TRRAP: variants seen among roughly 807,000 people sequenced by gnomAD.
TRRAP encodes the protein transformation/transcription domain associated protein, also known as transformation/transcription domain-associated protein.
Under a neutral mutation model 438.8 loss-of-function variants are expected in TRRAP, and 41 were observed. The ratio of observed to expected loss-of-function variants is 0.09; its 90% CI spans 0.07 to 0.12. TRRAP has a LOEUF of 0.12. TRRAP is among the 10% of genes least tolerant of loss of function. The pLI is 1.00. For missense variants in TRRAP, 3,122 were observed against 5,055.1 expected, an observed-to-expected ratio of 0.62 and a Z score of 11.60; for synonymous variants, 1,994 against 1,962.9, an observed-to-expected ratio of 1.02 and a Z score of -0.42.
intron 13 of TRRAP, 109 bp downstream of exon 13, chr7:98,906,364 C>T (rs1434293774): frequency 7.4e-6 from 5 of 678,422 alleles, no homozygotes; most frequent in East Asian, 3.1e-5. Flanking sequence ...AGCCTTGACA[C>T]ACCTGTTAGG....
At position 98,912,153 on chromosome 7, in the gene TRRAP, G is replaced by C; in HGVS notation, c.2139G>C (p.Leu713=). 6.2e-7 allele frequency: 1 copy of C among 1,614,186 alleles called. No individual in the cohort carries two copies. Among genetic ancestry groups the C allele is most frequent in the Non-Finnish European group, 8.5e-7 (1 of 1,180,040 alleles). The change falls in exon 18 of 73, where the codon CTG becomes CTC. Residue 713 remains leucine (L), a synonymous_variant. Coordinates refer to ENST00000456197, the MANE Select transcript of TRRAP (RefSeq NM_001375524.1). ...NVELSNLYLK[L]FKLVFGSVSL... Reference sequence around the variant, plus strand: ...AGCTCTCCAACCTGTACCTCAAGCTGTTCAAGCTGGTCTTTGGCTCTGTCT... The same window carrying C: ...AGCTCTCCAACCTGTACCTCAAGCTCTTCAAGCTGGTCTTTGGCTCTGTCT...
intron 51 of TRRAP, among the ~76,000 whole-genome samples, chr7:98,969,364 T>G (rs1792304040): frequency 6.6e-6 from 1 of 152,198 alleles, no homozygotes; most frequent in African/African-American, 2.4e-5. Context: ...TGCCTCACTC[T>G]TGCCACTCAG....
intron 47 of TRRAP, 130 bp downstream of exon 47, chr7:98,962,557 T>C (rs1044976261): frequency 2.0e-5 from 30 of 1,537,222 alleles, no homozygotes; most frequent in Non-Finnish European, 2.6e-5. Context: ...GTTGTTCAGG[T>C]GTCTGTTGCC....
chr7:98,906,194 G>T lies in TRRAP; in HGVS notation c.1054G>T (p.Asp352Tyr). The change falls in exon 13 of 73, where the codon GAC becomes TAC. Residue 352 changes from aspartate to tyrosine, a missense_variant. Asp to Tyr is a radical substitution (Grantham distance 160). Around this residue, in one of 24 missense-constraint regions of TRRAP, gnomAD observed 343 missense variants for 564.0 expected, o/e 0.61. Coordinates refer to ENST00000456197, the MANE Select transcript of TRRAP (RefSeq NM_001375524.1). ...TCTTCTAGAGTTCATTCCTTGCATG[G>T]ACAAGCTGTTTGATGAATCCATACT... is the stretch of plus-strand genomic sequence containing the variant. ...ELRNQFIPCM[D>Y]KLFDESILIG... 1 of 1,613,870 alleles carries T rather than the reference G, an allele frequency of 6.2e-7. No individual in the cohort carries two copies. Among genetic ancestry groups the T allele is most frequent in the Non-Finnish European group, 8.5e-7 (1 of 1,179,852 alleles).
At chr7:98,963,565 G>T (rs1219647545) in intron 47 of TRRAP, among the ~76,000 whole-genome samples, 1 of 152,166 alleles carries the variant, frequency 6.6e-6, no homozygotes, top group Non-Finnish European at 1.5e-5. Flanking sequence ...CTGGGGTGTA[G>T]TCTCAGCCGT....
At position 98,969,974 on chromosome 7, in the gene TRRAP, G is replaced by A. The variant is rs889179630; in HGVS notation, c.7513-138G>A. The A allele has an allele frequency of 8.1e-6, 8 of 987,194 alleles. No homozygotes were observed. The African/African-American group carries it at 8.1e-5, about 10-fold the overall frequency. The allele number at this position is 987,194 out of a possible 1,614,324, so 61.2% of individuals were successfully genotyped here. On this transcript the variant is annotated intron_variant, in intron 51 of 72. Coordinates refer to ENST00000456197, the MANE Select transcript of TRRAP (RefSeq NM_001375524.1). The stretch of plus-strand genomic sequence containing the variant: ...AGGAAGCCCGTCTGGTTGGGGACAG[G>A]TGGGAAAGGGTGCTGAGCTCATACT...
At chr7:98,938,617 C>G (rs1214425585) in intron 30 of TRRAP, among the ~76,000 whole-genome samples, 6 of 152,122 alleles carry the variant, frequency 3.9e-5, no homozygotes, top group Non-Finnish European at 8.8e-5. Context: ...CATGTCAGTA[C>G]CTGAAGTACT....
intron 4 of TRRAP, among the ~76,000 whole-genome samples, chr7:98,890,652 C>T (rs1554404688): frequency 6.6e-6 from 1 of 152,118 alleles, no homozygotes; most frequent in African/African-American, 2.4e-5. Context: ...AAATTATTCA[C>T]ATTTGCCAAC....
rs1402896258 is a variant in TRRAP, at chr7:98,918,882, C to T, written c.2622+1203C>T. Among the ~76,000 whole-genome samples the T allele has an allele frequency of 4.0e-5, 6 of 151,730 alleles. No individual in the cohort carries two copies. The East Asian group carries it at 1.2e-3, about 29-fold the overall frequency. ...ACCAGCCTGGCCAACATGGCGAAAC[C>T]CTGTCTCTACTAAAAATACAAAAAT... On this transcript the variant is annotated intron_variant, in intron 20 of 72. Transcript: ENST00000456197.
At chr7:98,966,172 G>T (rs1792144683) in intron 49 of TRRAP, among the ~76,000 whole-genome samples, 1 of 151,870 alleles carries the variant, frequency 6.6e-6, no homozygotes, top group Admixed American at 6.6e-5. Context: ...CAGGCATGGT[G>T]GCGGGCGCCT....
chr7:98,981,682 A>G (rs1370396575), intron 58 of TRRAP, 87 bp from the exon 59 acceptor site: 3 of 1,420,456 alleles, frequency 2.1e-6, no homozygotes, highest in Non-Finnish European at 2.8e-6. Context: ...CCTAGTGACC[A>G]AAAAAAGTGA....
chr7:98,997,514 T>TAAAAAAAAAAA (rs1793725709), intron 67 of TRRAP, among the ~76,000 whole-genome samples: 2 of 83,078 alleles, frequency 2.4e-5, no homozygotes, highest in Non-Finnish European at 2.3e-5. Flanking sequence ...AAAAAAAAAT[T>TAAAAAAAAAAA]AGAGTAGGAA....
intron 3 of TRRAP, 83 bp downstream of exon 3, chr7:98,882,107 C>T: frequency 8.7e-7 from 1 of 1,154,734 alleles, no homozygotes; most frequent in Non-Finnish European, 1.2e-6. Context: ...AGTCTTTTTA[C>T]TAGCAACTCA....
At chr7:99,010,830 C>T (rs1326270427) in intron 70 of TRRAP, among the ~76,000 whole-genome samples, 5 of 152,176 alleles carry the variant, frequency 3.3e-5, no homozygotes, top group African/African-American at 7.2e-5. Context: ...AGACCAGCCG[C>T]ATTGGTGCTT....
chr7:98,890,314 CT>C lies in TRRAP; in HGVS notation c.151-17del, dbSNP rs1554404618. The stretch of plus-strand genomic sequence containing the variant: ...ATACATACACATAACTGAATGGGGT[CT>C]TTTATTTTTGCACAATTAGAATGTC... On this transcript the variant is annotated intron_variant, in intron 3 of 72. Coordinates refer to ENST00000456197, the MANE Select transcript of TRRAP (RefSeq NM_001375524.1). The C allele has an allele frequency of 6.2e-6, 9 of 1,453,396 alleles. No homozygotes were observed. The highest frequency in any genetic ancestry group is 8.3e-6 in the Non-Finnish European group (9 of 1,080,278). 90.0% of individuals were successfully genotyped at this position (1,453,396 alleles called of 1,614,324 possible).
chr7:98,987,745 CTT>C (rs1793214821), intron 62 of TRRAP, among the ~76,000 whole-genome samples: 1 of 152,156 alleles, frequency 6.6e-6, no homozygotes, highest in African/African-American at 2.4e-5. Flanking sequence ...AGATCCTTGT[CTT>C]TTTCTTGATC....
rs756401798 is a variant in TRRAP, at chr7:98,990,440, C to A, written c.9592-15C>A. ...GAATTGTCATTCTACTCTAGAATTT[C>A]TCCTTCTGTCTCAGGTGCTGTGGCT... is the stretch of plus-strand genomic sequence containing the variant. On this transcript the variant is annotated splice_polypyrimidine_tract_variant and intron_variant, in intron 63 of 72. Coordinates refer to ENST00000456197, the MANE Select transcript of TRRAP (RefSeq NM_001375524.1). The A allele has an allele frequency of 2.5e-6, 4 of 1,609,414 alleles. No homozygotes were observed. The highest frequency in any genetic ancestry group is 1.7e-4 in the Middle Eastern group (1 of 5,982).
At position 98,949,467 on chromosome 7, in the gene TRRAP, C is replaced by T. The variant is rs782019074; in HGVS notation, c.4839C>T (p.Ala1613=). The T allele has an allele frequency of 6.2e-7, 1 of 1,607,388 alleles. No individual in the cohort carries two copies. Among genetic ancestry groups the T allele is most frequent in the Non-Finnish European group, 8.5e-7 (1 of 1,177,802 alleles). ...GACCTCTGCGGGATGTGCTGGCTGCCAACCCCAACAGGTTCATCACCCTGC... is the reference window on the plus strand; with the variant it reads ...GACCTCTGCGGGATGTGCTGGCTGCTAACCCCAACAGGTTCATCACCCTGC... ...DARPLRDVLA[A]NPNRFITLLL... The change falls in exon 36 of 73, where the codon GCC becomes GCT. Residue 1613 remains alanine (A), a synonymous_variant. Coordinates refer to ENST00000456197, the MANE Select transcript of TRRAP (RefSeq NM_001375524.1).
intron 67 of TRRAP, among the ~76,000 whole-genome samples, chr7:99,003,589 G>A (rs1193246613): frequency 1.3e-5 from 2 of 152,306 alleles, no homozygotes; most frequent in South Asian, 2.1e-4. Context: ...TGAGGTAGAC[G>A]TTGCCTCAAC....
Sources: gnomAD v4.1 joint callset for allele counts (sites outside exome capture counted in the v4.1 genomes callset) on GRCh38, gnomAD v4.1.1 for gene constraint, gnomAD v4.1.1 regional missense constraint, MANE v1.5 for transcripts, NCBI Gene and HGNC (gene_info 2026-07-23, HGNC 2026-07-21) for gene names.